HDAC5: variants seen among roughly 807,000 people sequenced by gnomAD.
The protein encoded by HDAC5 is histone deacetylase 5.
A neutral mutation model predicts 133.3 loss-of-function variants in HDAC5; 25 were observed. That is an observed-to-expected ratio of 0.19 (90% CI 0.14 to 0.26). The LOEUF (loss-of-function observed/expected upper bound fraction) is 0.26, where lower values mean the gene tolerates loss of function less well. HDAC5 is among the 10% of genes least tolerant of loss of function. HDAC5 has a pLI of 1.00. For missense variants in HDAC5, 1,041 were observed against 1,460.5 expected (o/e 0.71, Z 4.68); for synonymous variants, 589 against 610.8 (o/e 0.96, Z 0.53).
At chr17:44,089,942 A>AAAG (rs1386871223) in intron 11 of HDAC5, among the ~76,000 whole-genome samples, 1 of 149,154 alleles carries the variant, frequency 6.7e-6, no homozygotes, top group East Asian at 2.0e-4. Context: ...AAAAAAAAAA[A>AAAG]AAAAAAAAGG....
intron 3 of HDAC5, among the ~76,000 whole-genome samples, chr17:44,095,348 T>G (rs1190127597): frequency 2.0e-5 from 3 of 152,116 alleles, no homozygotes; most frequent in African/African-American, 4.8e-5. Context: ...ATGCAAAGCC[T>G]CATACTAGAA....
intron 3 of HDAC5, among the ~76,000 whole-genome samples, chr17:44,095,762 G>T (rs1011726655): frequency 6.6e-6 from 1 of 152,052 alleles, no homozygotes; most frequent in African/African-American, 2.4e-5. Flanking sequence ...GGGAGGAGGA[G>T]ACAGGAAAGG....
chr17:44,096,449 C>CA (rs1024344159), intron 3 of HDAC5, among the ~76,000 whole-genome samples: 1 of 149,504 alleles, frequency 6.7e-6, no homozygotes, highest in East Asian at 1.9e-4. Flanking sequence ...AAAAAAAAAA[C>CA]AAAAAACAAG....
rs1301291252 is a variant in HDAC5 at position 44,117,520 on chromosome 17, G to A, written c.-5C>T. The A allele has an allele frequency of 6.2e-7, 1 of 1,613,936 alleles. No individual in the cohort carries two copies. The highest frequency in any genetic ancestry group is 8.5e-7 in the Non-Finnish European group (1 of 1,180,016). On this transcript the variant is annotated 5_prime_UTR_variant, in exon 2 of 27. Coordinates refer to ENST00000682912, the MANE Select transcript of HDAC5 (RefSeq NM_005474.5). This position sits in a 1 kb window ranked among gnomAD's most constrained non-coding sequence, Gnocchi z 4.2. Reference sequence around the variant, plus strand: ...CGACTCGTTGGGAGAGTTCATGCCGGCTCTGGGCCTGCAGGAAGCTGGCGT... The same window carrying A: ...CGACTCGTTGGGAGAGTTCATGCCGACTCTGGGCCTGCAGGAAGCTGGCGT...
intron 8 of HDAC5, 35 bp from the exon 9 acceptor site, chr17:44,092,319 T>C: frequency 6.2e-7 from 1 of 1,613,136 alleles, no homozygotes; most frequent in Non-Finnish European, 8.5e-7. Flanking sequence ...GGGCCTGCTG[T>C]GAACTACCCC....
At chr17:44,119,045 G>A (rs1598047279) in intron 1 of HDAC5, among the ~76,000 whole-genome samples, 1 of 152,352 alleles carries the variant, frequency 6.6e-6, no homozygotes, top group East Asian at 1.9e-4. Context: ...TGGGACCACA[G>A]GGCTTGGACT....
At chr17:44,111,827 G>C (rs1015273002) in intron 2 of HDAC5, among the ~76,000 whole-genome samples, 8 of 152,106 alleles carry the variant, frequency 5.3e-5, no homozygotes, top group Non-Finnish European at 8.8e-5. Context: ...TAGGGTGTAG[G>C]GATACTCCTC....
At chr17:44,105,376 TC>T (rs1454008268) in intron 3 of HDAC5, among the ~76,000 whole-genome samples, 1 of 152,218 alleles carries the variant, frequency 6.6e-6, no homozygotes, top group Non-Finnish European at 1.5e-5. Context: ...GAGTTAGTAG[TC>T]GATCCTGGGA....
intron 3 of HDAC5, among the ~76,000 whole-genome samples, chr17:44,107,681 A>G (rs577406434): frequency 1.1e-4 from 17 of 148,538 alleles, no homozygotes; most frequent in Non-Finnish European, 2.1e-4. Flanking sequence ...TAATAGTTCC[A>G]CTCTCACCCC....
chr17:44,103,418 C>T (rs1047718198), intron 3 of HDAC5, among the ~76,000 whole-genome samples: 1 of 152,182 alleles, frequency 6.6e-6, no homozygotes, highest in Non-Finnish European at 1.5e-5. Context: ...AGAGCAAGGG[C>T]TCTGGAGTGA....
In HDAC5 at chr17:44,078,838, G is replaced by A; in HGVS notation, c.3120C>T (p.Asn1040=). The change falls in exon 25 of 27, where the codon AAC becomes AAT. Residue 1040 remains asparagine (N), a synonymous_variant. Coordinates refer to ENST00000682912, the MANE Select transcript of HDAC5 (RefSeq NM_005474.5). ...TCTCTAGCGTGGCCACTGCGTTGAT[G>A]TTGGGCTTTTGCTGCAAGACTGCCT... The part of the protein sequence containing the change: ...LDEAVLQQKP[N]INAVATLEKV... 6.2e-7 allele frequency: 1 copy of A among 1,614,194 alleles called. No individual in the cohort carries two copies. The highest frequency in any genetic ancestry group is 2.2e-5 in the East Asian group (1 of 44,884).
chr17:44,100,471 A>G (rs905221203), intron 3 of HDAC5, among the ~76,000 whole-genome samples: 1 of 151,496 alleles, frequency 6.6e-6, no homozygotes, highest in Non-Finnish European at 1.5e-5. Context: ...ACAGTGGTTC[A>G]TGCCTGTAAT....
At chr17:44,091,599 A>T (rs2143255528) in intron 10 of HDAC5, 101 bp downstream of exon 10, 2 of 1,493,552 alleles carry the variant, frequency 1.3e-6, no homozygotes. Flanking sequence ...GGGCCAACAG[A>T]TCTCCCTTAG....
In HDAC5 at chr17:44,093,496, A is replaced by G. The variant is rs2051072005; in HGVS notation, c.355-11T>C. 1 of 1,605,254 alleles carries G rather than the reference A, an allele frequency of 6.2e-7. No individual in the cohort carries two copies. The highest frequency in any genetic ancestry group is 1.3e-5 in the African/African-American group (1 of 74,890). The stretch of plus-strand genomic sequence containing the variant: ...CATCTCCTGCTGCTGCTGCAGGGGC[A>G]TGGGAACGGAGGCACAAGTGAGCCA... On this transcript the variant is annotated splice_polypyrimidine_tract_variant and intron_variant, in intron 4 of 26. Coordinates refer to ENST00000682912, the MANE Select transcript of HDAC5 (RefSeq NM_005474.5).
chr17:44,102,854 G>A (rs528584810), intron 3 of HDAC5, among the ~76,000 whole-genome samples: 1 of 151,922 alleles, frequency 6.6e-6, no homozygotes, highest in South Asian at 2.1e-4. Context: ...TCTTAGTAGA[G>A]ACAGGGTTTC....
intron 2 of HDAC5, among the ~76,000 whole-genome samples, chr17:44,116,686 T>A (rs1200564674): frequency 6.6e-6 from 1 of 152,082 alleles, no homozygotes; most frequent in African/African-American, 2.4e-5. Flanking sequence ...GCCACTACTC[T>A]GACCACACTG....
In HDAC5 at chr17:44,084,079, C is replaced by T. The variant is rs1454509592; in HGVS notation, c.2306-225G>A. 1.3e-5 allele frequency among the ~76,000 whole-genome samples: 2 copies of T among 151,646 alleles called. 1 individual carries two copies. The highest frequency in any genetic ancestry group is 4.2e-4 in the South Asian group (2 of 4,800). On this transcript the variant is annotated intron_variant, in intron 16 of 26. Coordinates refer to ENST00000682912, the MANE Select transcript of HDAC5 (RefSeq NM_005474.5). ...GACAGAGGTCGCAGTGAGCTGAGATCGCACCACTGTACTCCAGCCTGGCCA... is the reference window on the plus strand; with the variant it reads ...GACAGAGGTCGCAGTGAGCTGAGATTGCACCACTGTACTCCAGCCTGGCCA...
chr17:44,093,779 AC>A lies in HDAC5; in HGVS notation c.149del (p.Gly50ValfsTer56). ...GCTCCACAGGGCTGGGGCTGCCTCC[AC>A]CCCCACCCCCCATGGAACTGGGCAT... ...RAMPSSMGGG[G>X]GGSPSPVELR... On this transcript the variant is annotated frameshift_variant, in exon 4 of 27. Transcript: ENST00000682912. LOFTEE classifies it high-confidence loss of function. The A allele has an allele frequency of 1.3e-6, 2 of 1,560,700 alleles. No individual in the cohort carries two copies. The highest frequency in any genetic ancestry group is 8.7e-7 in the Non-Finnish European group (1 of 1,152,306).
At chr17:44,094,712 C>CTG (rs373838825) in intron 3 of HDAC5, among the ~76,000 whole-genome samples, 98 of 149,670 alleles carry the variant, frequency 6.5e-4, no homozygotes, top group Middle Eastern at 3.4e-3. Flanking sequence ...TTTTATGTAT[C>CTG]TGTGTGTGTG....
Sources: gnomAD v4.1 joint callset for allele counts (sites outside exome capture counted in the v4.1 genomes callset) on GRCh38, gnomAD v4.1.1 for gene constraint, Gnocchi (gnomAD v3.1) non-coding constraint, MANE v1.5 for transcripts, NCBI Gene and HGNC (gene_info 2026-07-23, HGNC 2026-07-21) for gene names.